Variants in SNX25 observed in about 807,000 individuals in gnomAD.
SNX25 encodes the protein sorting nexin-25.
Under a neutral mutation model 113.7 loss-of-function variants are expected in SNX25, and 62 were observed. The observed-to-expected ratio is 0.55, with a 90% CI of 0.44 to 0.67. The LOEUF is 0.67. Among genes scored for constraint, SNX25 ranks in the 30% least tolerant of loss-of-function variants. The probability of loss-of-function intolerance (pLI) is 0.00; values close to 1 mark genes in which losing one functional copy is unlikely to be tolerated. For synonymous variants in SNX25, 421 were observed against 436.2 expected, an observed-to-expected ratio of 0.97 and a Z score of 0.43; for missense variants, 1,014 against 1,161.0, an observed-to-expected ratio of 0.87 and a Z score of 1.84.
At chr4:185,205,500 A>G (rs192056153), upstream of SNX25, among the ~76,000 whole-genome samples, 173 of 152,132 alleles carry the variant, frequency 1.1e-3, 1 homozygote, top group Middle Eastern at 0.01. Context: ...AGTGCTTAAT[A>G]AAACTGTGTT....
intron 6 of SNX25, among the ~76,000 whole-genome samples, chr4:185,304,595 G>A (rs1398689239): frequency 6.6e-6 from 1 of 152,108 alleles, no homozygotes; most frequent in Non-Finnish European, 1.5e-5. Context: ...AGCCTCATGT[G>A]ATCTGCCTGC....
intron 10 of SNX25, among the ~76,000 whole-genome samples, chr4:185,335,135 T>G (rs2095220511): frequency 6.6e-6 from 1 of 152,114 alleles, no homozygotes; most frequent in Admixed American, 6.5e-5. Flanking sequence ...GCCTGGCCAA[T>G]GTGGTAAAAC....
rs141850175 is a variant in SNX25 at position 185,363,082 on chromosome 4, A to G, written c.2935-303A>G. ...GGTCTCTAACTCCTGACCTCAGGTG[A>G]TCTGTCTGCCTCAGCCTCCCAAAGT... On this transcript the variant is annotated intron_variant, in intron 18 of 18. Transcript: ENST00000652585. This position sits in a 1 kb window ranked among gnomAD's most constrained non-coding sequence, Gnocchi z 4.2. Among the ~76,000 whole-genome samples the G allele has an allele frequency of 6.6e-6, 1 of 151,980 alleles. No individual in the cohort carries two copies. Among genetic ancestry groups the G allele is most frequent in the Non-Finnish European group, 1.5e-5 (1 of 68,004 alleles).
chr4:185,237,022 A>G (rs1742739699), intron 1 of SNX25, among the ~76,000 whole-genome samples: 1 of 152,232 alleles, frequency 6.6e-6, no homozygotes, highest in African/African-American at 2.4e-5. Context: ...ATTGGAAATA[A>G]CAGTTTAAAA....
chr4:185,351,569 T>G lies in SNX25; in HGVS notation c.2426T>G (p.Phe809Cys). Reference protein sequence around the residue: ...GKKNSFSLSSFLERLPRDFFS... With the variant: ...GKKNSFSLSSCLERLPRDFFS... ...AAAAATTCTTTTTCATTATCCTCAT[T>G]TTTGGAAAGACTTCCTCGCGACTTC... Residue 809 changes from phenylalanine (F) to cysteine (C), a missense_variant, in exon 14 of 19, where the codon TTT (phenylalanine) becomes TGT (cysteine). Phe to Cys is a radical substitution (Grantham distance 205, BLOSUM62 -2). Transcript: ENST00000652585. 6.2e-7 allele frequency: 1 copy of G among 1,614,180 alleles called. No individual in the cohort carries two copies.
Position 185,310,803 on chromosome 4 carries a change from C to G in SNX25, c.1331C>G (p.Pro444Arg). 6.2e-7 allele frequency: 1 copy of G among 1,610,952 alleles called. No individual in the cohort carries two copies. The highest frequency in any genetic ancestry group is 8.5e-7 in the Non-Finnish European group (1 of 1,178,840). The part of the protein sequence containing the change: ...EDGALDEGEG[P>R]QSQKILQFED... ...GGGGCCCTGGATGAGGGGGAAGGGCCTCAAAGCCAGAAGGTAGAACTTTAT... is the reference window on the plus strand; with the variant it reads ...GGGGCCCTGGATGAGGGGGAAGGGCGTCAAAGCCAGAAGGTAGAACTTTAT... Residue 444 changes from proline to arginine, a missense_variant, in exon 7 of 19, where the codon CCT becomes CGT. Coordinates refer to ENST00000652585, the MANE Select transcript of SNX25 (RefSeq NM_001378034.2).
intron 1 of SNX25, among the ~76,000 whole-genome samples, chr4:185,214,968 C>T (rs1427610553): frequency 6.6e-6 from 1 of 152,198 alleles, no homozygotes; most frequent in Non-Finnish European, 1.5e-5. Context: ...CGGTGTCTCA[C>T]GCCTGTAATC....
chr4:185,270,266 A>G (rs1412181971), intron 5 of SNX25, among the ~76,000 whole-genome samples: 1 of 152,162 alleles, frequency 6.6e-6, no homozygotes, highest in East Asian at 1.9e-4. Flanking sequence ...TAGGCACATC[A>G]TGGATTGCCT....
chr4:185,205,926 A>G (rs1737169793), upstream of SNX25, among the ~76,000 whole-genome samples: 1 of 152,252 alleles, frequency 6.6e-6, no homozygotes, highest in South Asian at 2.1e-4. Context: ...TAAACACATG[A>G]AAAGATACTC....
At position 185,249,619 on chromosome 4, in the gene SNX25, A is replaced by G. The variant is rs143517373; in HGVS notation, c.514+2241A>G. Among the ~76,000 whole-genome samples, 329 of 152,168 alleles carry G rather than the reference A, an allele frequency of 2.2e-3. 3 individuals carry two copies. The highest frequency in any genetic ancestry group is 0.016 in the Admixed American group (238 of 15,280). The stretch of plus-strand genomic sequence containing the variant: ...CAAGTTTGATAAAGTCCAATTTACC[A>G]ATCTTTTTTTCCTCTCTGTTCTTTA... On this transcript the variant is annotated intron_variant, in intron 2 of 18. Coordinates refer to ENST00000652585, the MANE Select transcript of SNX25 (RefSeq NM_001378034.2).
chr4:185,374,060 C>T, downstream of SNX25: 1 of 1,211,706 alleles, frequency 8.3e-7, no homozygotes. Context: ...CATTCCCCAC[C>T]ATTTTCTCAA....
chr4:185,298,185 T>C (rs1273164857), intron 6 of SNX25, among the ~76,000 whole-genome samples: 1 of 149,868 alleles, frequency 6.7e-6, no homozygotes, highest in Non-Finnish European at 1.5e-5. Flanking sequence ...GACTCCCGGG[T>C]TCAAGCAATT....
At chr4:185,259,090 C>A (rs565678905) in intron 3 of SNX25, 26 bp downstream of exon 3, 2 of 1,585,404 alleles carry the variant, frequency 1.3e-6, no homozygotes, top group Non-Finnish European at 1.7e-6. Flanking sequence ...AACTTACCCC[C>A]TTTTTTGCAT....
At chr4:185,266,522 G>A (rs1227132220) in intron 4 of SNX25, among the ~76,000 whole-genome samples, 1 of 151,988 alleles carries the variant, frequency 6.6e-6, no homozygotes, top group Non-Finnish European at 1.5e-5. Flanking sequence ...CACCATGCAT[G>A]GCTAATTTTT....
chr4:185,376,443 CTT>C, the SNX25 span, among the ~76,000 whole-genome samples: 864 of 105,746 alleles, frequency 8.2e-3, 3 homozygotes, highest in African/African-American at 0.032. Flanking sequence ...TGCCCAGCTA[CTT>C]TTTTTTTTTT....
upstream of SNX25, chr4:185,209,393 T>C (rs1410789105): frequency 2.0e-5 from 3 of 152,316 alleles, no homozygotes; most frequent in Admixed American, 6.5e-5. This position sits in a 1 kb window ranked among gnomAD's most constrained non-coding sequence, Gnocchi z 5.2. Flanking sequence ...CGGCATCCTG[T>C]AGAGGAGGAG....
intron 18 of SNX25, 63 bp downstream of exon 18, chr4:185,362,774 G>GA (rs1409049665): frequency 2.4e-6 from 3 of 1,232,680 alleles, no homozygotes; most frequent in Admixed American, 1.9e-5. Flanking sequence ...CGTTTGGTCA[G>GA]AAAAAACATG....
chr4:185,244,816 A>G (rs1213014049), intron 1 of SNX25, among the ~76,000 whole-genome samples: 1 of 152,176 alleles, frequency 6.6e-6, no homozygotes, highest in African/African-American at 2.4e-5. Flanking sequence ...AGAAATCTTG[A>G]ATCTATGGCT....
At chr4:185,337,678 C>G (rs2095238734) in intron 10 of SNX25, among the ~76,000 whole-genome samples, 1 of 152,196 alleles carries the variant, frequency 6.6e-6, no homozygotes, top group African/African-American at 2.4e-5. Flanking sequence ...ATTAAACTCT[C>G]TACCACAACA....
Sources: allele counts gnomAD v4.1 joint callset (sites outside exome capture counted in the v4.1 genomes callset), GRCh38; gene constraint gnomAD v4.1.1; non-coding constraint Gnocchi (gnomAD v3.1); transcripts MANE v1.5; gene names NCBI Gene and HGNC (gene_info 2026-07-23, HGNC 2026-07-21).